The following AGMO variants were observed in gnomAD, a reference collection of about 807,000 sequenced individuals.
AGMO encodes alkylglycerol monooxygenase.
AGMO carries 75 observed loss-of-function variants against 60.2 expected under a neutral mutation model. The observed-to-expected ratio is 1.25, with a 90% CI of 1.03 to 1.51. The LOEUF (loss-of-function observed/expected upper bound fraction) is 1.51, where lower values mean the gene tolerates loss of function less well. AGMO is among the 40% of genes most tolerant of loss of function. The pLI, the probability that AGMO is intolerant of heterozygous loss-of-function variation, is 0.00. For missense variants in AGMO, 763 were observed against 525.5 expected (o/e 1.45, Z -4.42); for synonymous variants, 261 against 177.1 (o/e 1.47, Z -3.76).
intron 12 of AGMO, among the ~76,000 whole-genome samples, chr7:15,233,972 C>T (rs537763883): frequency 2.6e-5 from 4 of 152,128 alleles, no homozygotes; most frequent in South Asian, 2.1e-4. Flanking sequence ...ACTTGAACCT[C>T]GGAGGTGGAG....
At chr7:15,393,552 G>A (rs1363236043) in intron 6 of AGMO, among the ~76,000 whole-genome samples, 21 of 152,082 alleles carry the variant, frequency 1.4e-4, no homozygotes, top group Admixed American at 1.4e-3. Flanking sequence ...TAGGGCTTGG[G>A]GTACACAATG....
chr7:15,441,637 A>G (rs1385155856), intron 3 of AGMO, among the ~76,000 whole-genome samples: 2 of 151,520 alleles, frequency 1.3e-5, no homozygotes, highest in East Asian at 3.9e-4. Context: ...ATTGGCAAGC[A>G]CTCCTACGAC....
chr7:15,340,475 G>A (rs758202792), intron 12 of AGMO, among the ~76,000 whole-genome samples: 6 of 152,140 alleles, frequency 3.9e-5, no homozygotes, highest in Admixed American at 6.5e-5. Context: ...CAGGCCAGGA[G>A]GCCTCGGGGG....
At chr7:15,387,277 C>T (rs1783954484) in intron 9 of AGMO, 129 bp downstream of exon 9, 5 of 1,080,372 alleles carry the variant, frequency 4.6e-6, no homozygotes, top group Admixed American at 2.3e-5. Flanking sequence ...TTATGCACCA[C>T]AGGACTGCAT....
intron 12 of AGMO, among the ~76,000 whole-genome samples, chr7:15,362,463 G>A (rs1430149558): frequency 6.6e-6 from 1 of 152,080 alleles, no homozygotes; most frequent in Admixed American, 6.5e-5. Context: ...CTCTAATAAT[G>A]GTAATATGAA....
chr7:15,377,759 G>A (rs192357633), intron 10 of AGMO, among the ~76,000 whole-genome samples: 25 of 152,052 alleles, frequency 1.6e-4, no homozygotes, highest in East Asian at 7.7e-4. Flanking sequence ...GTAGATTTTA[G>A]TTCTACTTGG....
intron 12 of AGMO, among the ~76,000 whole-genome samples, chr7:15,265,714 G>T (rs1783412650): frequency 6.6e-6 from 1 of 152,018 alleles, no homozygotes; most frequent in Admixed American, 6.6e-5. Context: ...AAAGGCAACA[G>T]TCACTGTGGA....
chr7:15,250,678 G>A (rs907549277), intron 12 of AGMO, among the ~76,000 whole-genome samples: 3 of 152,030 alleles, frequency 2.0e-5, no homozygotes, highest in Admixed American at 6.5e-5. Context: ...CATGGCTCAC[G>A]CCTGTAATCC....
intron 3 of AGMO, among the ~76,000 whole-genome samples, chr7:15,439,046 A>G (rs745561116): frequency 3.3e-5 from 5 of 152,184 alleles, no homozygotes; most frequent in Admixed American, 6.5e-5. Flanking sequence ...ATAGCTCAAA[A>G]TAACATTTTC....
chr7:15,134,817 A>AT, the AGMO span, among the ~76,000 whole-genome samples: 69,448 of 151,704 alleles, frequency 0.46, 15,995 homozygotes, highest in South Asian at 0.56. Context: ...AACATAAAAG[A>AT]TTTTCTGTAA....
intron 12 of AGMO, among the ~76,000 whole-genome samples, chr7:15,209,460 C>T (rs1242435040): frequency 6.6e-6 from 1 of 152,030 alleles, no homozygotes; most frequent in Non-Finnish European, 1.5e-5. Flanking sequence ...AAAAATAAGA[C>T]AGCCTATCTT....
intron 10 of AGMO, among the ~76,000 whole-genome samples, chr7:15,378,439 A>G (rs761458634): frequency 1.1e-4 from 17 of 151,988 alleles, no homozygotes; most frequent in Admixed American, 2.6e-4. Flanking sequence ...CTGTTTTCCA[A>G]TTGCTTGGTA....
intron 12 of AGMO, among the ~76,000 whole-genome samples, chr7:15,340,783 C>A (rs1781819729): frequency 6.6e-6 from 1 of 152,184 alleles, no homozygotes; most frequent in Non-Finnish European, 1.5e-5. Context: ...TCATGGAAAA[C>A]CTCTGCTAGG....
chr7:15,387,103 T>G (rs1783947963), intron 9 of AGMO, among the ~76,000 whole-genome samples: 1 of 152,194 alleles, frequency 6.6e-6, no homozygotes, highest in South Asian at 2.1e-4. Flanking sequence ...GCTGCATGTA[T>G]TTGTGAAGTT....
At chr7:15,254,823 A>G (rs1219116235) in intron 12 of AGMO, among the ~76,000 whole-genome samples, 2 of 152,150 alleles carry the variant, frequency 1.3e-5, no homozygotes, top group Admixed American at 6.5e-5. Flanking sequence ...ACAAAGAATC[A>G]TAAGAAACTA....
intron 12 of AGMO, among the ~76,000 whole-genome samples, chr7:15,322,843 A>T: frequency 7.7e-6 from 1 of 129,192 alleles, no homozygotes; most frequent in East Asian, 2.0e-4. Context: ...ACAAAATTAT[A>T]AAAAAAAATG....
chr7:15,138,732 G>A, the AGMO span, among the ~76,000 whole-genome samples: 20 of 152,174 alleles, frequency 1.3e-4, no homozygotes, highest in South Asian at 3.5e-3. Context: ...TAATGAGGTC[G>A]ATCAATAGAA....
chr7:15,537,918 T>A (rs1470216725), intron 3 of AGMO, among the ~76,000 whole-genome samples: 1 of 152,070 alleles, frequency 6.6e-6, no homozygotes, highest in South Asian at 2.1e-4. Flanking sequence ...TTCATACATA[T>A]TTTAAGTGCT....
chr7:15,411,954 C>T (rs1562494133), intron 5 of AGMO, among the ~76,000 whole-genome samples: 1 of 151,986 alleles, frequency 6.6e-6, no homozygotes. Context: ...ATTTTGGATG[C>T]TAAAGGGCAA....
Sources: gnomAD v4.1 joint callset for allele counts (sites outside exome capture counted in the v4.1 genomes callset) on GRCh38, gnomAD v4.1.1 for gene constraint, MANE v1.5 for transcripts, NCBI Gene and HGNC (gene_info 2026-07-23, HGNC 2026-07-21) for gene names.